HEMK2: variants seen among roughly 807,000 people sequenced by gnomAD.
HEMK2 encodes methyltransferase HEMK2.
At chr21:28,872,755 G>A in the HEMK2 span, 1 of 152,166 alleles carries the variant, frequency 6.6e-6, no homozygotes, top group Admixed American at 6.5e-5. Context: ...GACAGAAGAT[G>A]AGATGTCACA....
the HEMK2 span, among the ~76,000 whole-genome samples, chr21:28,774,158 T>C: frequency 6.6e-6 from 1 of 152,176 alleles, no homozygotes; most frequent in Non-Finnish European, 1.5e-5. Context: ...CAAGGTTATC[T>C]CTAAGATACA....
At chr21:28,649,131 G>A in the HEMK2 span, among the ~76,000 whole-genome samples, 14 of 152,086 alleles carry the variant, frequency 9.2e-5, no homozygotes, top group South Asian at 6.2e-4. Flanking sequence ...TCTTCTCTAC[G>A]CCACGGTACA....
the HEMK2 span, among the ~76,000 whole-genome samples, chr21:28,747,341 C>A: frequency 3.3e-5 from 5 of 152,178 alleles, no homozygotes; most frequent in Non-Finnish European, 7.3e-5. Context: ...ATGTACTTAT[C>A]TGTAAAAATG....
the HEMK2 span, among the ~76,000 whole-genome samples, chr21:28,722,993 T>C: frequency 6.6e-6 from 1 of 151,780 alleles, no homozygotes; most frequent in Non-Finnish European, 1.5e-5. Flanking sequence ...CATACAGGCC[T>C]TGTAGATTTC....
chr21:28,747,728 G>A, the HEMK2 span, among the ~76,000 whole-genome samples: 187 of 152,310 alleles, frequency 1.2e-3, 1 homozygote, highest in African/African-American at 3.7e-3. Flanking sequence ...TTGCACCAAC[G>A]TGCATAGGAA....
the HEMK2 span, among the ~76,000 whole-genome samples, chr21:28,774,125 A>G: frequency 6.6e-6 from 1 of 152,270 alleles, no homozygotes; most frequent in South Asian, 2.1e-4. Context: ...CAGTTATCTT[A>G]TCTTCAAAAT....
the HEMK2 span, among the ~76,000 whole-genome samples, chr21:28,740,483 TG>T: frequency 2.6e-5 from 4 of 152,360 alleles, no homozygotes; most frequent in Admixed American, 2.0e-4. Context: ...AGCTTCCATA[TG>T]GGCAATAGTG....
the HEMK2 span, among the ~76,000 whole-genome samples, chr21:28,595,042 T>G: frequency 6.6e-6 from 1 of 152,214 alleles, no homozygotes; most frequent in Non-Finnish European, 1.5e-5. Flanking sequence ...AATTTTAAAT[T>G]TTTGTGGGTA....
At chr21:28,870,131 G>C in the HEMK2 span, among the ~76,000 whole-genome samples, 3 of 152,040 alleles carry the variant, frequency 2.0e-5, no homozygotes, top group Non-Finnish European at 2.9e-5. Context: ...ATATATTTTA[G>C]AACAGTTTTA....
At chr21:28,617,184 A>G in the HEMK2 span, among the ~76,000 whole-genome samples, 1 of 152,246 alleles carries the variant, frequency 6.6e-6, no homozygotes, top group Non-Finnish European at 1.5e-5. Context: ...TTACATGTAT[A>G]TGAAGATCTA....
the HEMK2 span, among the ~76,000 whole-genome samples, chr21:28,776,838 C>T: frequency 1.3e-5 from 2 of 152,280 alleles, no homozygotes; most frequent in East Asian, 1.9e-4. Context: ...AGTCCTTCCA[C>T]GTTCTTCTGC....
chr21:28,702,551 T>A, the HEMK2 span, among the ~76,000 whole-genome samples: 1 of 152,050 alleles, frequency 6.6e-6, no homozygotes. Context: ...AACAAGCATA[T>A]GAAAAAATGT....
At chr21:28,667,372 A>C in the HEMK2 span, among the ~76,000 whole-genome samples, 1 of 152,206 alleles carries the variant, frequency 6.6e-6, no homozygotes, top group African/African-American at 2.4e-5. Context: ...AAGAATTAGA[A>C]TATGGGAAAA....
the HEMK2 span, among the ~76,000 whole-genome samples, chr21:28,749,255 T>C: frequency 6.6e-6 from 1 of 152,346 alleles, no homozygotes; most frequent in East Asian, 1.9e-4. Context: ...AATCATTATA[T>C]ATACATATAT....
At chr21:28,880,000 T>C in the HEMK2 span, 3 of 1,273,844 alleles carry the variant, frequency 2.4e-6, no homozygotes, top group Non-Finnish European at 3.3e-6. Flanking sequence ...AACTCTGAAT[T>C]AAATAACTGA....
the HEMK2 span, among the ~76,000 whole-genome samples, chr21:28,610,677 C>T: frequency 6.6e-6 from 1 of 152,034 alleles, no homozygotes; most frequent in Non-Finnish European, 1.5e-5. Flanking sequence ...AGGACTCACA[C>T]AAACTTAAGG....
chr21:28,645,643 T>C, the HEMK2 span, among the ~76,000 whole-genome samples: 1 of 152,142 alleles, frequency 6.6e-6, no homozygotes, highest in Non-Finnish European at 1.5e-5. Context: ...GTGGAAACTT[T>C]ATCACCAATG....
chr21:28,740,052 C>A, the HEMK2 span, among the ~76,000 whole-genome samples: 7 of 152,188 alleles, frequency 4.6e-5, no homozygotes, highest in African/African-American at 1.7e-4. Context: ...TTCTTGTCTT[C>A]CCCCAAAGAG....
chr21:28,591,978 T>G, the HEMK2 span, among the ~76,000 whole-genome samples: 1 of 152,216 alleles, frequency 6.6e-6, no homozygotes, highest in African/African-American at 2.4e-5. Flanking sequence ...TGATTCTATG[T>G]CTTTGCTATT....
Sources: allele counts gnomAD v4.1 joint callset (sites outside exome capture counted in the v4.1 genomes callset), GRCh38; gene constraint gnomAD v4.1.1; transcripts MANE v1.5; gene names NCBI Gene and HGNC (gene_info 2026-07-23, HGNC 2026-07-21).